Variants in FZD5 observed in about 807,000 individuals in gnomAD.
The protein encoded by FZD5 is frizzled-5.
FZD5 carries 12 observed loss-of-function variants against 40.8 expected under a neutral mutation model. The ratio of observed to expected loss-of-function variants is 0.29; its 90% CI spans 0.19 to 0.48. The LOEUF (loss-of-function observed/expected upper bound fraction) is 0.48, where lower values mean the gene tolerates loss of function less well. Among genes scored for constraint, FZD5 ranks in the 20% least tolerant of loss-of-function variants. The pLI is 0.99. For synonymous variants in FZD5, 380 were observed against 383.7 expected, an observed-to-expected ratio of 0.99 and a Z score of 0.11; for missense variants, 622 against 832.8, an observed-to-expected ratio of 0.75 and a Z score of 3.12.
chr2:207,763,313 A>T lies in FZD5; in HGVS notation c.*3669T>A, dbSNP rs2105849154. 1 of 152,672 alleles carries T rather than the reference A, an allele frequency of 6.5e-6. No homozygotes were observed. The highest frequency in any genetic ancestry group is 2.4e-5 in the African/African-American group (1 of 41,554). The allele number at this position is 152,672 out of a possible 1,614,324, so 9.5% of individuals were successfully genotyped here. Reference sequence around the variant, plus strand: ...CACTATCCTGGCTGAAATAAATCCTATTGTCATCAGGCTGCTAGCTTTTGA... The same window carrying T: ...CACTATCCTGGCTGAAATAAATCCTTTTGTCATCAGGCTGCTAGCTTTTGA... On this transcript the variant is annotated 3_prime_UTR_variant, in exon 2 of 2. Coordinates refer to ENST00000295417, the MANE Select transcript of FZD5 (RefSeq NM_003468.4).
In FZD5 at chr2:207,769,803, C is replaced by A. The variant is rs1227799893; in HGVS notation, c.-794G>T. Among the ~76,000 whole-genome samples, 2 of 152,020 alleles carry A rather than the reference C, an allele frequency of 1.3e-5. No individual in the cohort carries two copies. Among genetic ancestry groups the A allele is most frequent in the South Asian group, 2.1e-4 (1 of 4,838 alleles). ...CGCTCTCGGGACGTGCCCTGCTCGG[C>A]TCCTCCCCCGCGCTCTCGCACCCTT... On this transcript the variant is annotated 5_prime_UTR_variant, in exon 1 of 2. Transcript: ENST00000295417.
In FZD5 at chr2:207,767,010, TG is replaced by T; in HGVS notation, c.1729del (p.His577ThrfsTer30). 6.7e-7 allele frequency: 1 copy of T among 1,483,330 alleles called. No individual in the cohort carries two copies. Among genetic ancestry groups the T allele is most frequent in the Non-Finnish European group, 8.9e-7 (1 of 1,125,492 alleles). 91.9% of individuals were successfully genotyped at this position (1,483,330 alleles called of 1,614,324 possible). On this transcript the variant is annotated frameshift_variant, in exon 2 of 2. Coordinates refer to ENST00000295417, the MANE Select transcript of FZD5 (RefSeq NM_003468.4). LOFTEE classifies it high-confidence loss of function. ...CACGTGCGACAGGGACACCTGCTTG[TG>T]GTAGGTGGCGGCGGGGCCCGGCGGC... ...TGPPGPAATY[H>X]KQVSLSHV
In FZD5 at chr2:207,767,134, G is replaced by A. The variant is rs1260064026; in HGVS notation, c.1606C>T (p.Arg536Cys). The A allele has an allele frequency of 1.9e-6, 3 of 1,567,020 alleles. No individual in the cohort carries two copies. Among genetic ancestry groups the A allele is most frequent in the Admixed American group, 1.9e-5 (1 of 53,038 alleles). The stretch of plus-strand genomic sequence containing the variant: ...CCGCGCCGCGGGCGGCAGCAGCAGC[G>A]GCTGGTGAAACGCCGCCACGACTCC... Reference protein sequence around the residue: ...TVESWRRFTSRCCCRPRRGHK... With the variant: ...TVESWRRFTSCCCCRPRRGHK... The change falls in exon 2 of 2, where the codon CGC becomes TGC. Residue 536 changes from arginine (R) to cysteine (C), a missense_variant. Arg to Cys is a radical substitution (Grantham distance 180). Around this residue, in one of 4 missense-constraint regions of FZD5, gnomAD observed 154 missense variants for 152.1 expected, o/e 1.01. Transcript: ENST00000295417.
rs747341004 is a variant in FZD5, at chr2:207,767,469, A to C, written c.1271T>G (p.Val424Gly). Reference protein sequence around the residue: ...VGTLFLLAGFVSLFRIRSVIK... With the variant: ...VGTLFLLAGFGSLFRIRSVIK... Reference sequence around the variant, plus strand: ...GACGCTGCGGATGCGGAAGAGCGACACGAAGCCCGCCAGCAGGAAGAGCGT... The same window carrying C: ...GACGCTGCGGATGCGGAAGAGCGACCCGAAGCCCGCCAGCAGGAAGAGCGT... The change falls in exon 2 of 2, where the codon GTG becomes GGG. Residue 424 changes from valine to glycine, a missense_variant. Physicochemically the swap from Val to Gly is moderately radical, Grantham distance 109 (BLOSUM62 -3). Coordinates refer to ENST00000295417, the MANE Select transcript of FZD5 (RefSeq NM_003468.4). 6.2e-7 allele frequency: 1 copy of C among 1,610,918 alleles called. No individual in the cohort carries two copies.
rs1243875544 is a variant in FZD5 at position 207,767,185 on chromosome 2, C to A, written c.1555G>T (p.Val519Phe). The change falls in exon 2 of 2, where the codon GTC becomes TTC. Residue 519 changes from valine (V) to phenylalanine (F), a missense_variant. This residue lies in a region of FZD5 where 154 missense variants were observed against 152.1 expected (regional missense o/e 1.01). Transcript: ENST00000295417. ...MCLVVGITSGVWIWSGKTVES... is the reference protein window; with the variant it reads ...MCLVVGITSGFWIWSGKTVES... ...ACCGTCTTGCCCGACCAGATCCAGA[C>A]GCCCGACGTGATGCCCACCACCAGG... The A allele has an allele frequency of 6.3e-7, 1 of 1,599,800 alleles. No homozygotes were observed. Among genetic ancestry groups the A allele is most frequent in the Admixed American group, 1.7e-5 (1 of 58,188 alleles).
Position 207,767,297 on chromosome 2 carries a change from C to G in FZD5, c.1443G>C (p.Ala481=). ...CGTGGCCCGGGCAGGCGCAGGTGAGCGCCGCCTCCCAGCTCTCGCGGTAGT... is the reference window on the plus strand; with the variant it reads ...CGTGGCCCGGGCAGGCGCAGGTGAGGGCCGCCTCCCAGCTCTCGCGGTAGT... The part of the protein sequence containing the change: ...EQHYRESWEA[A]LTCACPGHDT... The change falls in exon 2 of 2, where the codon GCG becomes GCC. Residue 481 remains alanine, a synonymous_variant. Coordinates refer to ENST00000295417, the MANE Select transcript of FZD5 (RefSeq NM_003468.4). 1 of 1,610,884 alleles carries G rather than the reference C, an allele frequency of 6.2e-7. No individual in the cohort carries two copies. Among genetic ancestry groups the G allele is most frequent in the Non-Finnish European group, 8.5e-7 (1 of 1,179,192 alleles).
At position 207,766,987 on chromosome 2, in the gene FZD5, C is replaced by A. The variant is rs971407718; in HGVS notation, c.1753G>T (p.Val585Leu). The change falls in exon 2 of 2, where the codon GTG (valine) becomes TTG (leucine). Residue 585 changes from valine to leucine, a missense_variant. Val to Leu is a conservative substitution (Grantham distance 32). Around this residue, in one of 4 missense-constraint regions of FZD5, gnomAD observed 154 missense variants for 152.1 expected, o/e 1.01. Transcript: ENST00000295417. Reference protein sequence around the residue: ...TYHKQVSLSHV With the variant: ...TYHKQVSLSHL ...AGTCCCTCGGCGGCAGCCTCCTACA[C>A]GTGCGACAGGGACACCTGCTTGTGG... The A allele has an allele frequency of 6.8e-7, 1 of 1,471,982 alleles. No individual in the cohort carries two copies. The highest frequency in any genetic ancestry group is 8.9e-7 in the Non-Finnish European group (1 of 1,119,876). 91.2% of individuals were successfully genotyped at this position (1,471,982 alleles called of 1,614,324 possible).
In FZD5 at chr2:207,766,964, T is replaced by A. The variant is rs1387826090; in HGVS notation, c.*18A>T. On this transcript the variant is annotated 3_prime_UTR_variant, in exon 2 of 2. Coordinates refer to ENST00000295417, the MANE Select transcript of FZD5 (RefSeq NM_003468.4). ...CCCTCCCCTCAGCTCTCCGGCCGAG[T>A]CCCTCGGCGGCAGCCTCCTACACGT... is the stretch of plus-strand genomic sequence containing the variant. 2.1e-6 allele frequency: 3 copies of A among 1,440,756 alleles called. No homozygotes were observed. The highest frequency in any genetic ancestry group is 2.7e-6 in the Non-Finnish European group (3 of 1,099,098). 89.2% of individuals were successfully genotyped at this position (1,440,756 alleles called of 1,614,324 possible). A position where few individuals can be genotyped will look rare whatever the true frequency, so the allele number is the denominator to read the frequency against.
rs1296586471 is a variant in FZD5 at position 207,767,177 on chromosome 2, G to A, written c.1563C>T (p.Ile521=). ...LVVGITSGVW[I]WSGKTVESWR... Reference sequence around the variant, plus strand: ...ACGACTCCACCGTCTTGCCCGACCAGATCCAGACGCCCGACGTGATGCCCA... The same window carrying A: ...ACGACTCCACCGTCTTGCCCGACCAAATCCAGACGCCCGACGTGATGCCCA... Residue 521 remains isoleucine (I), a synonymous_variant, in exon 2 of 2, where the codon ATC becomes ATT. Transcript: ENST00000295417. 4 of 1,596,028 alleles carry A rather than the reference G, an allele frequency of 2.5e-6. No homozygotes were observed. The highest frequency in any genetic ancestry group is 2.7e-5 in the African/African-American group (2 of 74,334).
chr2:207,767,139 G>T lies in FZD5; in HGVS notation c.1601C>A (p.Thr534Asn). 2 of 1,567,840 alleles carry T rather than the reference G, an allele frequency of 1.3e-6. No individual in the cohort carries two copies. Among genetic ancestry groups the T allele is most frequent in the Non-Finnish European group, 1.7e-6 (2 of 1,157,920 alleles). Residue 534 changes from threonine to asparagine, a missense_variant, in exon 2 of 2, where the codon ACC becomes AAC. Transcript: ENST00000295417. ...GKTVESWRRFTSRCCCRPRRG... is the reference protein window; with the variant it reads ...GKTVESWRRFNSRCCCRPRRG... ...CCGCGGGCGGCAGCAGCAGCGGCTG[G>T]TGAAACGCCGCCACGACTCCACCGT...
Position 207,767,091 on chromosome 2 carries a change from G to A in FZD5, c.1649C>T (p.Ala550Val), listed in dbSNP as rs1206318468. 11 of 1,590,828 alleles carry A rather than the reference G, an allele frequency of 6.9e-6. No individual in the cohort carries two copies. Among genetic ancestry groups the A allele is most frequent in the Non-Finnish European group, 9.4e-6 (11 of 1,169,830 alleles). ...RPRRGHKSGG[A>V]MAAGDYPEAS... ...CTCGGGGTAGTCCCCTGCGGCCATGGCGCCCCCGCTCTTGTGGCCGCGCCG... is the reference window on the plus strand; with the variant it reads ...CTCGGGGTAGTCCCCTGCGGCCATGACGCCCCCGCTCTTGTGGCCGCGCCG... The change falls in exon 2 of 2, where the codon GCC (alanine) becomes GTC (valine). Residue 550 changes from alanine (A) to valine (V), a missense_variant. Transcript: ENST00000295417.
At position 207,766,807 on chromosome 2, in the gene FZD5, TGGA is replaced by T. The variant is rs1036064740; in HGVS notation, c.*172_*174del. On this transcript the variant is annotated 3_prime_UTR_variant, in exon 2 of 2. Coordinates refer to ENST00000295417, the MANE Select transcript of FZD5 (RefSeq NM_003468.4). Reference sequence around the variant, plus strand: ...TAGAATACACGTGAGCTGGGCCCCTTGGAGAAGACCTGGGACAGGTTCTTCCTC... The same window carrying T: ...TAGAATACACGTGAGCTGGGCCCCTTGAAGACCTGGGACAGGTTCTTCCTC... 2.0e-5 allele frequency: 10 copies of T among 497,690 alleles called. No individual in the cohort carries two copies. Among genetic ancestry groups the T allele is most frequent in the African/African-American group, 1.8e-4 (9 of 50,516 alleles). 30.8% of individuals were successfully genotyped at this position (497,690 alleles called of 1,614,324 possible).
At position 207,769,813 on chromosome 2, in the gene FZD5, G is replaced by T. The variant is rs953093926; in HGVS notation, c.-804C>A. 6.6e-6 allele frequency among the ~76,000 whole-genome samples: 1 copy of T among 151,988 alleles called. No homozygotes were observed. The highest frequency in any genetic ancestry group is 2.4e-5 in the African/African-American group (1 of 41,418). On this transcript the variant is annotated 5_prime_UTR_variant, in exon 1 of 2. Transcript: ENST00000295417. The stretch of plus-strand genomic sequence containing the variant: ...ACGTGCCCTGCTCGGCTCCTCCCCC[G>T]CGCTCTCGCACCCTTTCGCCCACCT...
In FZD5 at chr2:207,766,793, T is replaced by G; in HGVS notation, c.*189A>C. On this transcript the variant is annotated 3_prime_UTR_variant, in exon 2 of 2. Coordinates refer to ENST00000295417, the MANE Select transcript of FZD5 (RefSeq NM_003468.4). ...TAAGAAACGCAAAATAGAATACACG[T>G]GAGCTGGGCCCCTTGGAGAAGACCT... 2.1e-6 allele frequency: 1 copy of G among 465,254 alleles called. No individual in the cohort carries two copies. The highest frequency in any genetic ancestry group is 3.7e-6 in the Non-Finnish European group (1 of 267,602). The allele number at this position is 465,254 out of a possible 1,614,324, so 28.8% of individuals were successfully genotyped here.
At position 207,763,682 on chromosome 2, in the gene FZD5, TACA is replaced by T. The variant is rs1159414604; in HGVS notation, c.*3297_*3299del. The T allele has an allele frequency of 6.5e-6, 1 of 152,694 alleles. No homozygotes were observed. Among genetic ancestry groups the T allele is most frequent in the Non-Finnish European group, 1.5e-5 (1 of 68,088 alleles). The allele number at this position is 152,694 out of a possible 1,614,324, so 9.5% of individuals were successfully genotyped here. ...GCTGGGGTAGCAGTTCATTAAAATA[TACA>T]ACTACATTTCCTAGCTCTGGGGTTC... is the stretch of plus-strand genomic sequence containing the variant. On this transcript the variant is annotated 3_prime_UTR_variant, in exon 2 of 2. Transcript: ENST00000295417.
At position 207,768,168 on chromosome 2, in the gene FZD5, T is replaced by G; in HGVS notation, c.572A>C (p.Lys191Thr). The G allele has an allele frequency of 2.5e-6, 4 of 1,606,836 alleles. No homozygotes were observed. In the South Asian group the frequency reaches 4.4e-5, roughly 18 times the overall value. The change falls in exon 2 of 2, where the codon AAG becomes ACG. Residue 191 changes from lysine (K) to threonine (T), a missense_variant. Around this residue, in one of 4 missense-constraint regions of FZD5, gnomAD observed 116 missense variants for 117.7 expected, o/e 0.99. Coordinates refer to ENST00000295417, the MANE Select transcript of FZD5 (RefSeq NM_003468.4). ...ECPAGGPFVCKCREPFVPILK... is the reference protein window; with the variant it reads ...ECPAGGPFVCTCREPFVPILK... The stretch of plus-strand genomic sequence containing the variant: ...AATGGGCACGAAGGGCTCGCGACAC[T>G]TGCACACGAACGGGCCCCCAGCGGG...
Position 207,767,050 on chromosome 2 carries a change from T to C in FZD5, c.1690A>G (p.Thr564Ala). 1 of 1,522,988 alleles carries C rather than the reference T, an allele frequency of 6.6e-7. No homozygotes were observed. Among genetic ancestry groups the C allele is most frequent in the South Asian group, 1.3e-5 (1 of 76,684 alleles). 94.3% of individuals were successfully genotyped at this position (1,522,988 alleles called of 1,614,324 possible). Residue 564 changes from threonine to alanine, a missense_variant, in exon 2 of 2, where the codon ACA becomes GCA. By Grantham distance (58) the Thr-to-Ala change is moderately conservative (BLOSUM62 0). Coordinates refer to ENST00000295417, the MANE Select transcript of FZD5 (RefSeq NM_003468.4). ...GGGCCCGGCGGCCCGGTCCTGCCTG[T>C]GAGCGCGGCGCTCGCCTCGGGGTAG... ...GDYPEASAAL[T>A]GRTGPPGPAA... is the part of the protein sequence containing the mutation.
chr2:207,766,343 G>A lies in FZD5; in HGVS notation c.*639C>T, dbSNP rs183765443. 1 of 152,296 alleles carries A rather than the reference G, an allele frequency of 6.6e-6. No homozygotes were observed. The highest frequency in any genetic ancestry group is 2.4e-5 in the African/African-American group (1 of 41,404). The allele number at this position is 152,296 out of a possible 1,614,324, so 9.4% of individuals were successfully genotyped here. ...ACCTCCCTCTATAAACAAAGCTAAG[G>A]CTGAACACAAAACCGCTAAGCACTC... On this transcript the variant is annotated 3_prime_UTR_variant, in exon 2 of 2. Transcript: ENST00000295417.
At position 207,766,915 on chromosome 2, in the gene FZD5, G is replaced by A. The variant is rs2091981722; in HGVS notation, c.*67C>T. On this transcript the variant is annotated 3_prime_UTR_variant, in exon 2 of 2. Transcript: ENST00000295417. ...ATGAAGGTAAACGGAAGTGACCTTG[G>A]CAAAACTACCAAACAAAACGCCCCC... 6.2e-6 allele frequency: 8 copies of A among 1,287,430 alleles called. No individual in the cohort carries two copies. Among genetic ancestry groups the A allele is most frequent in the Non-Finnish European group, 8.2e-6 (8 of 972,992 alleles). The allele number at this position is 1,287,430 out of a possible 1,614,324, so 79.8% of individuals were successfully genotyped here.
Sources: gnomAD v4.1 joint callset for allele counts (sites outside exome capture counted in the v4.1 genomes callset) on GRCh38, gnomAD v4.1.1 for gene constraint, gnomAD v4.1.1 regional missense constraint, MANE v1.5 for transcripts, NCBI Gene and HGNC (gene_info 2026-07-23, HGNC 2026-07-21) for gene names.